The following RPS6KA2 variants were observed in gnomAD, a reference collection of about 807,000 sequenced individuals.
RPS6KA2 encodes the protein ribosomal protein S6 kinase alpha-2.
RPS6KA2 carries 42 observed loss-of-function variants against 91.8 expected under a neutral mutation model. That is an observed-to-expected ratio of 0.46 (90% CI 0.36 to 0.59). The LOEUF (loss-of-function observed/expected upper bound fraction) is 0.59. Among genes scored for constraint, RPS6KA2 ranks in the 20% least tolerant of loss-of-function variants. The probability of loss-of-function intolerance (pLI) is 0.00; values close to 1 mark genes in which losing one functional copy is unlikely to be tolerated. For missense variants in RPS6KA2, 798 were observed against 978.5 expected (o/e 0.82, Z 2.46); for synonymous variants, 414 against 393.6 (o/e 1.05, Z -0.61).
At chr6:166,551,835 T>C (rs954206407) in intron 1 of RPS6KA2, among the ~76,000 whole-genome samples, 3 of 152,226 alleles carry the variant, frequency 2.0e-5, no homozygotes, top group South Asian at 2.1e-4. Flanking sequence ...GGAATTAAGC[T>C]GACTGCTGAA....
chr6:166,453,953 A>G (rs148633309), intron 12 of RPS6KA2, among the ~76,000 whole-genome samples: 10 of 152,374 alleles, frequency 6.6e-5, no homozygotes, highest in Non-Finnish European at 1.2e-4. Flanking sequence ...TCACACGTGG[A>G]AAGTCAAACA....
chr6:166,462,905 A>T (rs185819777), intron 11 of RPS6KA2: 1 of 152,450 alleles, frequency 6.6e-6, no homozygotes, highest in Admixed American at 6.5e-5. Flanking sequence ...GCAACTGGCC[A>T]CCCCGTAACA....
intron 3 of RPS6KA2, among the ~76,000 whole-genome samples, chr6:166,523,923 ACACAG>A (rs1240462397): frequency 6.6e-6 from 1 of 152,196 alleles, no homozygotes; most frequent in Non-Finnish European, 1.5e-5. Context: ...GGGTCACTAC[ACACAG>A]CTCTGCATTC....
intron 2 of RPS6KA2, among the ~76,000 whole-genome samples, chr6:166,709,545 A>G (rs1229146053): frequency 6.6e-6 from 1 of 152,252 alleles, no homozygotes; most frequent in Non-Finnish European, 1.5e-5. Flanking sequence ...CTCAAATCAC[A>G]TTGTTATTCT....
At chr6:166,663,178 A>T (rs1318564585) in intron 2 of RPS6KA2, among the ~76,000 whole-genome samples, 1 of 152,208 alleles carries the variant, frequency 6.6e-6, no homozygotes, top group East Asian at 1.9e-4. Context: ...CTCATCAAAG[A>T]TCAGAATTGA....
At chr6:166,765,546 T>G (rs1346205627) in intron 2 of RPS6KA2, among the ~76,000 whole-genome samples, 1 of 152,220 alleles carries the variant, frequency 6.6e-6, no homozygotes, top group Non-Finnish European at 1.5e-5. Context: ...AAAACGACTT[T>G]GTTTAACTTT....
At chr6:166,513,313 C>T (rs888633441) in intron 3 of RPS6KA2, among the ~76,000 whole-genome samples, 23 of 152,142 alleles carry the variant, frequency 1.5e-4, no homozygotes, top group Admixed American at 3.9e-4. Context: ...CAGTGGTCCT[C>T]GCAGTTCCTA....
rs768001527 is a variant in RPS6KA2, at chr6:166,418,285, G to T, written c.1878C>A (p.Ile626=). 11 of 1,613,904 alleles carry T rather than the reference G, an allele frequency of 6.8e-6. No homozygotes were observed. In the Admixed American group the frequency reaches 1.7e-4, roughly 24 times the overall value. The part of the protein sequence containing the change: ...DDTPEEILAR[I]GSGKYALSGG... ...CAGAAAGGGCATACTTCCCACTGCC[G>T]ATCCGCGCCAGAATCTCCTCAGGGG... Residue 626 remains isoleucine (I), a synonymous_variant, in exon 19 of 21, where the codon ATC becomes ATA. Transcript: ENST00000265678. The surrounding 1 kb of genome is among the most constrained non-coding windows in gnomAD (Gnocchi z 4.9).
At chr6:166,646,065 T>G (rs1339752786) in intron 2 of RPS6KA2, among the ~76,000 whole-genome samples, 1 of 152,190 alleles carries the variant, frequency 6.6e-6, no homozygotes, top group Non-Finnish European at 1.5e-5. Context: ...AGTTGATAGC[T>G]CCTATTGTTA....
intron 1 of RPS6KA2, among the ~76,000 whole-genome samples, chr6:166,592,585 A>G (rs1283934649): frequency 1.3e-5 from 2 of 152,104 alleles, no homozygotes; most frequent in Non-Finnish European, 2.9e-5. Flanking sequence ...CAGAATGTGA[A>G]TCAGCGCCTG....
chr6:166,712,945 C>T (rs1181885848), intron 2 of RPS6KA2, among the ~76,000 whole-genome samples: 1 of 152,220 alleles, frequency 6.6e-6, no homozygotes, highest in East Asian at 1.9e-4. Context: ...AGGGAGACCA[C>T]TCTGTGAAGC....
In RPS6KA2 at chr6:166,522,442, G is replaced by A. The variant is rs992783750; in HGVS notation, c.298+8790C>T. ...TGTGGGGGGCTGAGCATACGCAGAC[G>A]GCCTTGGTGACCTGAAGGCCTGGCA... On this transcript the variant is annotated intron_variant, in intron 3 of 20. Transcript: ENST00000265678. Among the ~76,000 whole-genome samples, 9 of 152,310 alleles carry A rather than the reference G, an allele frequency of 5.9e-5. No homozygotes were observed. In the South Asian group the frequency reaches 6.2e-4, roughly 11 times the overall value.
At chr6:166,497,633 C>T (rs556467230) in intron 8 of RPS6KA2, among the ~76,000 whole-genome samples, 1 of 152,286 alleles carries the variant, frequency 6.6e-6, no homozygotes, top group Non-Finnish European at 1.5e-5. Context: ...GGGCACCAGC[C>T]GGGGGTTCTC....
Position 166,423,254 on chromosome 6 carries a change from A to G in RPS6KA2, c.1743+2T>C. 2 of 1,604,954 alleles carry G rather than the reference A, an allele frequency of 1.2e-6. No individual in the cohort carries two copies. The highest frequency in any genetic ancestry group is 1.7e-6 in the Non-Finnish European group (2 of 1,173,282). On this transcript the variant is annotated splice_donor_variant, in intron 17 of 20. Transcript: ENST00000265678. LOFTEE classifies it high-confidence loss of function. This position sits in a 1 kb window ranked among gnomAD's most constrained non-coding sequence, Gnocchi z 4.8. ...CTGGGTCTGCAGTCGGGGAATGCTC[A>G]CCTCCGGGGCCACGAAATTGGCCGT...
intron 10 of RPS6KA2, among the ~76,000 whole-genome samples, chr6:166,482,996 T>A (rs1308038187): frequency 6.6e-6 from 1 of 151,874 alleles, no homozygotes; most frequent in East Asian, 1.9e-4. Flanking sequence ...CAACAGGGAG[T>A]CCCAACACTT....
chr6:166,566,844 C>T (rs766321610), intron 1 of RPS6KA2, among the ~76,000 whole-genome samples: 3 of 152,238 alleles, frequency 2.0e-5, no homozygotes, highest in Non-Finnish European at 4.4e-5. Context: ...GATCACACAG[C>T]CCACGCAAAG....
intron 2 of RPS6KA2, among the ~76,000 whole-genome samples, chr6:166,808,004 A>T (rs1779535730): frequency 6.6e-6 from 1 of 150,754 alleles, no homozygotes; most frequent in South Asian, 2.1e-4. Flanking sequence ...GGCTCCACTG[A>T]TGCACCTCGG....
At chr6:166,806,593 G>A (rs1779498740) in intron 2 of RPS6KA2, among the ~76,000 whole-genome samples, 1 of 152,172 alleles carries the variant, frequency 6.6e-6, no homozygotes, top group Non-Finnish European at 1.5e-5. Flanking sequence ...TGCAGGGGGA[G>A]TTTGTTATCA....
At chr6:166,741,893 G>A (rs973316310) in intron 2 of RPS6KA2, among the ~76,000 whole-genome samples, 4 of 152,198 alleles carry the variant, frequency 2.6e-5, no homozygotes, top group South Asian at 4.1e-4. Flanking sequence ...TTAAGAGGCC[G>A]AGGAAGGCGG....
Sources: gnomAD v4.1 joint callset for allele counts (sites outside exome capture counted in the v4.1 genomes callset) on GRCh38, gnomAD v4.1.1 for gene constraint, Gnocchi (gnomAD v3.1) non-coding constraint, MANE v1.5 for transcripts, NCBI Gene and HGNC (gene_info 2026-07-23, HGNC 2026-07-21) for gene names.